Variants in R3HCC1L observed in about 807,000 individuals in gnomAD.
R3HCC1L encodes the protein coiled-coil domain-containing protein R3HCC1L.
Under a neutral mutation model 59.9 loss-of-function variants are expected in R3HCC1L, and 51 were observed. The ratio of observed to expected loss-of-function variants is 0.85; its 90% confidence interval spans 0.68 to 1.07. R3HCC1L has a LOEUF of 1.07. R3HCC1L is among the 50% of genes least tolerant of loss of function. R3HCC1L has a pLI of 0.00. For missense variants in R3HCC1L, 965 were observed against 933.0 expected, an observed-to-expected ratio of 1.03 and a Z score of -0.45; for synonymous variants, 322 against 315.2, an observed-to-expected ratio of 1.02 and a Z score of -0.23.
At chr10:98,226,018 T>G (rs543305252) in intron 5 of R3HCC1L, among the ~76,000 whole-genome samples, 1 of 152,170 alleles carries the variant, frequency 6.6e-6, no homozygotes, top group African/African-American at 2.4e-5. Flanking sequence ...GGCTAATGTT[T>G]TGTATTTTTT....
chr10:98,172,059 G>A (rs1848566979), intron 4 of R3HCC1L, among the ~76,000 whole-genome samples: 1 of 152,128 alleles, frequency 6.6e-6, no homozygotes, highest in African/African-American at 2.4e-5. Flanking sequence ...AGTTTTAATC[G>A]CTATCCTTGG....
chr10:98,212,887 A>G (rs1283522645), intron 5 of R3HCC1L, among the ~76,000 whole-genome samples: 1 of 152,148 alleles, frequency 6.6e-6, no homozygotes, highest in Non-Finnish European at 1.5e-5. Context: ...CTTTTTAAGA[A>G]TTTGAGGCCT....
At chr10:98,157,861 C>G (rs981744596) in intron 2 of R3HCC1L, among the ~76,000 whole-genome samples, 9 of 152,046 alleles carry the variant, frequency 5.9e-5, no homozygotes, top group African/African-American at 1.9e-4. Flanking sequence ...AATAATATTA[C>G]AATAGTATTA....
intron 5 of R3HCC1L, among the ~76,000 whole-genome samples, chr10:98,225,036 C>T (rs1271212650): frequency 1.3e-5 from 2 of 152,070 alleles, no homozygotes; most frequent in Non-Finnish European, 2.9e-5. Flanking sequence ...AACATGTAAT[C>T]GGTATAAAAA....
Position 98,152,499 on chromosome 10 carries a change from G to A in R3HCC1L, c.-267-3594G>A, listed in dbSNP as rs1283968926. 7.1e-3 allele frequency among the ~76,000 whole-genome samples: 764 copies of A among 108,270 alleles called. 2 individuals are homozygous for A. The highest frequency in any genetic ancestry group is 0.014 in the Admixed American group (128 of 9,394). 71.0% of individuals were successfully genotyped at this position (108,270 alleles called of 152,430 possible). A position where few individuals can be genotyped will look rare whatever the true frequency, so the allele number is the denominator to read the frequency against. On this transcript the variant is annotated intron_variant, in intron 1 of 9. Coordinates refer to ENST00000298999, the MANE Select transcript of R3HCC1L (RefSeq NM_001351015.2). ...CTCTTCCCGGCCGCCATCCCGTCTA[G>A]GAAGTGAGGAGCGTCTCTGCCCGGC... is the stretch of plus-strand genomic sequence containing the variant.
chr10:98,184,014 G>T, intron 4 of R3HCC1L, among the ~76,000 whole-genome samples: 1 of 138,542 alleles, frequency 7.2e-6, no homozygotes, highest in African/African-American at 2.7e-5. Flanking sequence ...CCAGTTAAAT[G>T]GTATTTATGC....
At chr10:98,171,706 T>A (rs1848528860) in intron 4 of R3HCC1L, among the ~76,000 whole-genome samples, 1 of 152,160 alleles carries the variant, frequency 6.6e-6, no homozygotes. Flanking sequence ...AGCATGTAGG[T>A]TCTGGGAACC....
At chr10:98,183,014 C>G (rs532505582) in intron 4 of R3HCC1L, among the ~76,000 whole-genome samples, 13 of 152,156 alleles carry the variant, frequency 8.5e-5, no homozygotes, top group Non-Finnish European at 7.3e-5. Context: ...TGATGCCCCA[C>G]CCTGCTTCAG....
intron 4 of R3HCC1L, among the ~76,000 whole-genome samples, chr10:98,196,004 T>A (rs1381345101): frequency 1.3e-5 from 2 of 152,170 alleles, no homozygotes; most frequent in African/African-American, 2.4e-5. Flanking sequence ...TAAGGAAGAT[T>A]TTGAATATGT....
chr10:98,144,192 A>G (rs1320698618), intron 1 of R3HCC1L, among the ~76,000 whole-genome samples: 1 of 151,736 alleles, frequency 6.6e-6, no homozygotes, highest in African/African-American at 2.4e-5. Flanking sequence ...GGGCAGTAAT[A>G]TTTATTTATT....
chr10:98,239,427 C>T (rs1381169260), intron 9 of R3HCC1L, among the ~76,000 whole-genome samples: 3 of 151,998 alleles, frequency 2.0e-5, no homozygotes, highest in Non-Finnish European at 4.4e-5. Flanking sequence ...TAATAATCTC[C>T]CAGCCTTTCT....
At chr10:98,216,890 CTTG>C (rs1420461660) in intron 5 of R3HCC1L, among the ~76,000 whole-genome samples, 1 of 152,074 alleles carries the variant, frequency 6.6e-6, no homozygotes, top group African/African-American at 2.4e-5. Flanking sequence ...TAGAATAAGT[CTTG>C]TTAAGCATGC....
At chr10:98,155,652 A>G (rs1846779243) in intron 1 of R3HCC1L, among the ~76,000 whole-genome samples, 1 of 152,136 alleles carries the variant, frequency 6.6e-6, no homozygotes, top group Non-Finnish European at 1.5e-5. Flanking sequence ...AACAAAATAT[A>G]GTGAGTCATT....
At chr10:98,153,022 C>A (rs1188415948) in intron 1 of R3HCC1L, among the ~76,000 whole-genome samples, 1 of 150,826 alleles carries the variant, frequency 6.6e-6, no homozygotes, top group Admixed American at 6.6e-5. Flanking sequence ...GCCGCCGCCC[C>A]GTCCGGGAGG....
chr10:98,174,476 A>G (rs189342207), intron 4 of R3HCC1L: 50 of 696,970 alleles, frequency 7.2e-5, no homozygotes, highest in Non-Finnish European at 7.2e-5. Flanking sequence ...GAAAGATACT[A>G]TCTGCCCTCA....
chr10:98,176,796 A>G (rs1369275063), intron 4 of R3HCC1L, among the ~76,000 whole-genome samples: 1 of 151,860 alleles, frequency 6.6e-6, no homozygotes, highest in Non-Finnish European at 1.5e-5. Flanking sequence ...TTACGGGGAG[A>G]GCATTTGGTT....
chr10:98,144,589 C>T (rs117552460), intron 1 of R3HCC1L, among the ~76,000 whole-genome samples: 4,822 of 152,262 alleles, frequency 0.032, 115 homozygotes, highest in Non-Finnish European at 0.041. Flanking sequence ...TGGCTTTGTC[C>T]TTGCCAAACT....
chr10:98,244,151 C>T lies in R3HCC1L; in HGVS notation c.2330C>T (p.Thr777Ile). 2 of 1,613,668 alleles carry T rather than the reference C, an allele frequency of 1.2e-6. No homozygotes were observed. Among genetic ancestry groups the T allele is most frequent in the African/African-American group, 1.3e-5 (1 of 75,034 alleles). Residue 777 changes from threonine to isoleucine, a missense_variant, in exon 10 of 10, where the codon ACA becomes ATA. Physicochemically the swap from Thr to Ile is moderately conservative, Grantham distance 89. Transcript: ENST00000298999. ...EDIWEGRDQSTV is the reference protein window; with the variant it reads ...EDIWEGRDQSIV ...ATCTGGGAAGGCAGAGACCAGTCTA[C>T]AGTTTGAACATCACTCAATGAAAGG...
intron 1 of R3HCC1L, among the ~76,000 whole-genome samples, chr10:98,152,143 C>T (rs1386361317): frequency 3.3e-5 from 5 of 152,208 alleles, no homozygotes; most frequent in African/African-American, 7.2e-5. Flanking sequence ...TTGGTGGAGA[C>T]GGGGTTTCGC....
Sources: allele counts gnomAD v4.1 joint callset (sites outside exome capture counted in the v4.1 genomes callset), GRCh38; gene constraint gnomAD v4.1.1; transcripts MANE v1.5; gene names NCBI Gene and HGNC (gene_info 2026-07-23, HGNC 2026-07-21).